The following KPTN variants were observed in gnomAD, a reference collection of about 807,000 sequenced individuals.
KPTN encodes KICSTOR complex protein kaptin.
In KPTN, 36 loss-of-function variants were observed where a neutral mutation model predicts 52.6. That is an observed-to-expected ratio of 0.68 (90% CI 0.52 to 0.90). The LOEUF is 0.90. Among genes scored for constraint, KPTN ranks in the 40% least tolerant of loss-of-function variants. The pLI, the probability that KPTN is intolerant of heterozygous loss-of-function variation, is 0.00. For missense variants in KPTN, 529 were observed against 576.2 expected, an observed-to-expected ratio of 0.92 and a Z score of 0.84; for synonymous variants, 271 against 248.4, an observed-to-expected ratio of 1.09 and a Z score of -0.85.
At position 47,475,358 on chromosome 19, in the gene KPTN, C is replaced by A; in HGVS notation, c.*58G>T. The A allele has an allele frequency of 1.3e-6, 2 of 1,583,864 alleles. No homozygotes were observed. The highest frequency in any genetic ancestry group is 1.7e-6 in the Non-Finnish European group (2 of 1,161,758). On this transcript the variant is annotated 3_prime_UTR_variant, in exon 12 of 12. Transcript: ENST00000338134. ...CCTTCAGGACACCCCCCACCAGCGG[C>A]TGGAGGTGAGCACGCCATGAGTCGC...
intron 4 of KPTN, among the ~76,000 whole-genome samples, chr19:47,482,494 A>G (rs1415496942): frequency 1.6e-4 from 24 of 149,754 alleles, no homozygotes; most frequent in Non-Finnish European, 1.9e-4. Context: ...AAAAAAAAAA[A>G]AGAAAGAAAA....
chr19:47,479,834 C>T lies in KPTN; in HGVS notation c.787+29G>A, dbSNP rs1568455633. The T allele has an allele frequency of 3.8e-6, 6 of 1,589,958 alleles. No individual in the cohort carries two copies. The East Asian group carries it at 1.1e-4, about 30-fold the overall frequency. ...TTGCCTCTTCCCTCCCACCCGCTCT[C>T]TCCCCATCCCCTCAAACCCAGAGCT... On this transcript the variant is annotated intron_variant, in intron 8 of 11. Coordinates refer to ENST00000338134, the MANE Select transcript of KPTN (RefSeq NM_007059.4).
chr19:47,480,088 T>C (rs1371198751), intron 7 of KPTN, 148 bp from the exon 8 acceptor site: 11 of 266,280 alleles, frequency 4.1e-5, no homozygotes, highest in Non-Finnish European at 6.5e-5. Context: ...CCGCCCCCAA[T>C]CCCCACCCTC....
intron 4 of KPTN, among the ~76,000 whole-genome samples, chr19:47,481,391 T>C (rs755951246): frequency 6.6e-6 from 1 of 152,174 alleles, no homozygotes; most frequent in African/African-American, 2.4e-5. Context: ...TGCAGAACCT[T>C]AGAAAGCTAG....
At chr19:47,475,569 G>A (rs774952138) in intron 11 of KPTN, 25 bp from the exon 12 acceptor site, 1 of 1,608,826 alleles carries the variant, frequency 6.2e-7, no homozygotes, top group South Asian at 1.1e-5. Context: ...AGAATGAGGG[G>A]GATGGAGCTG....
chr19:47,479,638 G>A (rs1967794878), intron 8 of KPTN, among the ~76,000 whole-genome samples: 1 of 152,088 alleles, frequency 6.6e-6, no homozygotes, highest in South Asian at 2.1e-4. Flanking sequence ...AAAAGATATG[G>A]GTTAGGCCCC....
chr19:47,480,242 G>GGCC, intron 7 of KPTN, 56 bp downstream of exon 7: 1 of 955,120 alleles, frequency 1.0e-6, no homozygotes, highest in Non-Finnish European at 1.6e-6. Flanking sequence ...CCCCACCCTG[G>GGCC]CCCCGCCCTC....
chr19:47,476,494 G>C, intron 11 of KPTN, 38 bp downstream of exon 11: 1 of 1,545,282 alleles, frequency 6.5e-7, no homozygotes, highest in Non-Finnish European at 8.8e-7. Flanking sequence ...CGAAACTGCT[G>C]AGGTCGACTC....
rs1350794746 is a variant in KPTN at position 47,484,101 on chromosome 19, C to T, written c.60G>A (p.Thr20=). The change falls in exon 1 of 12, where the codon ACG becomes ACA. Residue 20 remains threonine (T), a synonymous_variant. Transcript: ENST00000338134. ...ACACATTGCTCTGCGACGAGAAGCG[C>T]GTGAAGCTGTCCTCGCGCAACGGAC... The part of the protein sequence containing the change: ...GPCPLREDSF[T]RFSSQSNVYG... The T allele has an allele frequency of 6.2e-7, 1 of 1,605,578 alleles. No individual in the cohort carries two copies. Among genetic ancestry groups the T allele is most frequent in the Non-Finnish European group, 8.5e-7 (1 of 1,179,716 alleles).
chr19:47,476,993 C>A, intron 9 of KPTN, 55 bp from the exon 10 acceptor site: 1 of 1,527,130 alleles, frequency 6.5e-7, no homozygotes, highest in Non-Finnish European at 8.8e-7. Context: ...TGCCCAGCAC[C>A]CTTGGCGGAT....
At chr19:47,480,013 T>C in intron 7 of KPTN, 73 bp from the exon 8 acceptor site, 2 of 1,280,090 alleles carry the variant, frequency 1.6e-6, no homozygotes, top group Non-Finnish European at 2.2e-6. Flanking sequence ...CCATCGACTT[T>C]CCGCCCCCAC....
At position 47,475,602 on chromosome 19, in the gene KPTN, C is replaced by T. The variant is rs539823946; in HGVS notation, c.1183-58G>A. ...CTGAGGAAGAGCTGTGGGACCACAGCGGGACCGTCTGGAGTGAAGCAACTC... is the reference window on the plus strand; with the variant it reads ...CTGAGGAAGAGCTGTGGGACCACAGTGGGACCGTCTGGAGTGAAGCAACTC... On this transcript the variant is annotated intron_variant, in intron 11 of 11. Coordinates refer to ENST00000338134, the MANE Select transcript of KPTN (RefSeq NM_007059.4). The T allele has an allele frequency of 1.8e-5, 29 of 1,592,088 alleles. No individual in the cohort carries two copies. In the East Asian group the frequency reaches 5.3e-4, roughly 29 times the overall value.
In KPTN at chr19:47,479,763, T is replaced by G. The variant is rs1272711464; in HGVS notation, c.787+100A>C. On this transcript the variant is annotated intron_variant, in intron 8 of 11. Coordinates refer to ENST00000338134, the MANE Select transcript of KPTN (RefSeq NM_007059.4). ...GAGAGGGACTGGGGTCTGCACACTT[T>G]GGGAGAGGGGTGCAAATCTGGGTAG... 4.3e-6 allele frequency: 4 copies of G among 934,668 alleles called. No individual in the cohort carries two copies. In the African/African-American group the frequency reaches 6.5e-5, roughly 15 times the overall value. 57.9% of individuals were successfully genotyped at this position (934,668 alleles called of 1,614,324 possible).
chr19:47,481,911 C>T (rs1415052611), intron 4 of KPTN, among the ~76,000 whole-genome samples: 1 of 152,130 alleles, frequency 6.6e-6, no homozygotes, highest in African/African-American at 2.4e-5. Context: ...TCTATCTCCT[C>T]GAAAGATGAG....
Position 47,480,970 on chromosome 19 carries a change from A to G in KPTN, c.513T>C (p.His171=), listed in dbSNP as rs761913755. The G allele has an allele frequency of 1.2e-6, 2 of 1,607,270 alleles. No homozygotes were observed. Among genetic ancestry groups the G allele is most frequent in the Admixed American group, 3.4e-5 (2 of 58,582 alleles). Reference sequence around the variant, plus strand: ...CGCCCCACCTCACCTCCTTGTAGAGATGAATGGCCGGGTCGTTCCCACTCA... The same window carrying G: ...CGCCCCACCTCACCTCCTTGTAGAGGTGAATGGCCGGGTCGTTCCCACTCA... ...FLLSGNDPAI[H]LYKENEGLHQ... is the part of the protein sequence containing the mutation. Residue 171 remains histidine (H), a synonymous_variant, in exon 5 of 12, where the codon CAT becomes CAC. Coordinates refer to ENST00000338134, the MANE Select transcript of KPTN (RefSeq NM_007059.4).
intron 11 of KPTN, among the ~76,000 whole-genome samples, chr19:47,475,777 G>A (rs1967643027): frequency 6.6e-6 from 1 of 152,090 alleles, no homozygotes. Flanking sequence ...ATGTAAGGAA[G>A]TGAGATTAGA....
intron 4 of KPTN, among the ~76,000 whole-genome samples, chr19:47,481,281 G>C (rs910615252): frequency 3.9e-5 from 6 of 152,124 alleles, no homozygotes; most frequent in Non-Finnish European, 7.4e-5. Flanking sequence ...TCAGAATTGC[G>C]GGAACATGGC....
rs542607436 is a variant in KPTN at position 47,477,075 on chromosome 19, A to G, written c.864-137T>C. On this transcript the variant is annotated intron_variant, in intron 9 of 11. Coordinates refer to ENST00000338134, the MANE Select transcript of KPTN (RefSeq NM_007059.4). ...CTGGTCCTCCGGAAGCCTAGACATC[A>G]TCATCTCAGATTTGGACATATTCAT... 3.8e-4 allele frequency: 332 copies of G among 867,834 alleles called. 6 individuals are homozygous for G. The South Asian group carries it at 5.5e-3, about 14-fold the overall frequency. 53.8% of individuals were successfully genotyped at this position (867,834 alleles called of 1,614,324 possible). A position where few individuals can be genotyped will look rare whatever the true frequency, so the allele number is the denominator to read the frequency against.
At chr19:47,483,032 C>A in intron 4 of KPTN, 129 bp downstream of exon 4, 1 of 992,462 alleles carries the variant, frequency 1.0e-6, no homozygotes, top group Non-Finnish European at 1.6e-6. Context: ...AATCCCTAAT[C>A]TAGTACAACC....
Sources: gnomAD v4.1 joint callset for allele counts (sites outside exome capture counted in the v4.1 genomes callset) on GRCh38, gnomAD v4.1.1 for gene constraint, MANE v1.5 for transcripts, NCBI Gene and HGNC (gene_info 2026-07-23, HGNC 2026-07-21) for gene names.